TCP11L2: variants seen among roughly 807,000 people sequenced by gnomAD.
TCP11L2 encodes T-complex protein 11-like protein 2.
A neutral mutation model predicts 50.7 loss-of-function variants in TCP11L2; 39 were observed. That is an observed-to-expected ratio of 0.77 (90% CI 0.60 to 1.01). The LOEUF (loss-of-function observed/expected upper bound fraction) is 1.01. Ranked by LOEUF, TCP11L2 falls within the 50% of genes least tolerant of loss-of-function variation. The pLI is 0.00. For synonymous variants in TCP11L2, 192 were observed against 219.3 expected, an observed-to-expected ratio of 0.88 and a Z score of 1.10; for missense variants, 612 against 614.7, an observed-to-expected ratio of 1.00 and a Z score of 0.05.
At chr12:106,311,669 CA>C (rs549765390) in intron 2 of TCP11L2, among the ~76,000 whole-genome samples, 3 of 151,898 alleles carry the variant, frequency 2.0e-5, no homozygotes, top group African/African-American at 4.8e-5. Flanking sequence ...ATGTTGATTT[CA>C]AAAAAATATT....
In TCP11L2 at chr12:106,314,406, C is replaced by T; in HGVS notation, c.206C>T (p.Ala69Val). ...VVTFDEVMATARNLSNLTLAH... is the reference protein window; with the variant it reads ...VVTFDEVMATVRNLSNLTLAH... ...ACATTTGATGAAGTGATGGCTACAG[C>T]AAGGAACTTATCAAACTTGACTCTT... Residue 69 changes from alanine to valine, a missense_variant, in exon 3 of 10, where the codon GCA becomes GTA. Coordinates refer to ENST00000299045, the MANE Select transcript of TCP11L2 (RefSeq NM_152772.3). The T allele has an allele frequency of 6.2e-7, 1 of 1,613,548 alleles. No homozygotes were observed. Among genetic ancestry groups the T allele is most frequent in the Non-Finnish European group, 8.5e-7 (1 of 1,179,578 alleles).
At chr12:106,327,474 C>T (rs1324913476) in intron 6 of TCP11L2, among the ~76,000 whole-genome samples, 1 of 152,194 alleles carries the variant, frequency 6.6e-6, no homozygotes. Flanking sequence ...GCCACTGCAC[C>T]TGGCTTGCTT....
At chr12:106,341,103 T>C in intron 9 of TCP11L2, 105 bp downstream of exon 9, 1 of 881,300 alleles carries the variant, frequency 1.1e-6, no homozygotes, top group East Asian at 2.5e-5. Context: ...CATTACCCAC[T>C]TTTGGAGGAT....
intron 2 of TCP11L2, chr12:106,312,271 T>A (rs1160762006): frequency 7.2e-6 from 3 of 417,098 alleles, no homozygotes; most frequent in Admixed American, 3.4e-5. Context: ...TTTTTTTTTT[T>A]TTTTTTTGCT....
chr12:106,308,628 CTG>C (rs762425862), intron 1 of TCP11L2, among the ~76,000 whole-genome samples: 10 of 152,070 alleles, frequency 6.6e-5, no homozygotes, highest in Non-Finnish European at 1.3e-4. Flanking sequence ...AGGGGAATAA[CTG>C]GGGGAAAAAT....
At chr12:106,317,033 T>C (rs1157986284) in intron 3 of TCP11L2, among the ~76,000 whole-genome samples, 1 of 152,134 alleles carries the variant, frequency 6.6e-6, no homozygotes, top group African/African-American at 2.4e-5. Context: ...ACCTCACACT[T>C]CCCAAGAATA....
At chr12:106,329,735 A>T (rs2035681968) in intron 6 of TCP11L2, 1 of 1,044,700 alleles carries the variant, frequency 9.6e-7, no homozygotes, top group Non-Finnish European at 1.2e-6. Flanking sequence ...TTAAACTTGC[A>T]GTATAAATGC....
chr12:106,322,256 T>G (rs1208124356), intron 5 of TCP11L2, among the ~76,000 whole-genome samples: 1 of 152,138 alleles, frequency 6.6e-6, no homozygotes, highest in Non-Finnish European at 1.5e-5. Flanking sequence ...GGCTCTACCC[T>G]TGCTCAGGTC....
chr12:106,329,200 C>T (rs1170510945), intron 6 of TCP11L2: 19 of 1,119,038 alleles, frequency 1.7e-5, no homozygotes, highest in African/African-American at 3.1e-5. Context: ...AGGAACTTCT[C>T]GAGTGCAGGG....
At chr12:106,300,590 A>G (rs192213171), upstream of TCP11L2, among the ~76,000 whole-genome samples, 1 of 152,172 alleles carries the variant, frequency 6.6e-6, no homozygotes, top group Non-Finnish European at 1.5e-5. Flanking sequence ...TCGGCCTCCC[A>G]AAGTGCTTGG....
At chr12:106,324,812 C>T (rs559930264) in intron 6 of TCP11L2, 64 of 152,274 alleles carry the variant, frequency 4.2e-4, no homozygotes, top group African/African-American at 1.5e-3. Context: ...GGTGAATGGT[C>T]ATACAGTTTG....
Position 106,327,252 on chromosome 12 carries a change from G to A in TCP11L2, c.772+3606G>A, listed in dbSNP as rs545816442. Among the ~76,000 whole-genome samples the A allele has an allele frequency of 5.3e-5, 8 of 151,978 alleles. No individual in the cohort carries two copies. In the South Asian group the frequency reaches 6.2e-4, roughly 12 times the overall value. On this transcript the variant is annotated intron_variant, in intron 6 of 9. Transcript: ENST00000299045. Reference sequence around the variant, plus strand: ...TCTATTGCCCAGGCTGGGGTGCAGTGGCATGATGATAACTTACTCTAGCCT... The same window carrying A: ...TCTATTGCCCAGGCTGGGGTGCAGTAGCATGATGATAACTTACTCTAGCCT...
intron 5 of TCP11L2, among the ~76,000 whole-genome samples, chr12:106,322,510 T>G (rs1242707176): frequency 6.6e-6 from 1 of 152,218 alleles, no homozygotes. Flanking sequence ...CCACATCTTC[T>G]GGAGCTTCTC....
intron 6 of TCP11L2, among the ~76,000 whole-genome samples, chr12:106,327,657 A>G (rs1030568337): frequency 1.3e-5 from 2 of 152,214 alleles, no homozygotes; most frequent in Middle Eastern, 3.2e-3. Flanking sequence ...GCTGTTAATT[A>G]TGTCCCCAAG....
rs191405889 is a variant in TCP11L2, at chr12:106,336,258, C to T, written c.1142+45C>T. 221 of 1,407,868 alleles carry T rather than the reference C, an allele frequency of 1.6e-4. 1 individual carries two copies. In the African/African-American group the frequency reaches 2.9e-3, roughly 18 times the overall value. The allele number at this position is 1,407,868 out of a possible 1,614,324, so 87.2% of individuals were successfully genotyped here. ...ATCTGCTCCCTCTTGTATTAAGGCTCTGCATGTGTCTCAGAGAACAAGAAT... is the reference window on the plus strand; with the variant it reads ...ATCTGCTCCCTCTTGTATTAAGGCTTTGCATGTGTCTCAGAGAACAAGAAT... On this transcript the variant is annotated intron_variant, in intron 8 of 9. Transcript: ENST00000299045.
chr12:106,318,175 A>G (rs1207545930), intron 3 of TCP11L2, among the ~76,000 whole-genome samples, 169 bp from the exon 4 acceptor site: 1 of 148,308 alleles, frequency 6.7e-6, no homozygotes, highest in Admixed American at 6.7e-5. Context: ...GCTCTTAGCT[A>G]TGTTAAAATA....
At chr12:106,303,636 T>A (rs1281330044) in intron 1 of TCP11L2, 1 of 152,228 alleles carries the variant, frequency 6.6e-6, no homozygotes, top group African/African-American at 2.4e-5. Flanking sequence ...CTACTGTAGG[T>A]GGCACCACTG....
At chr12:106,335,013 G>C (rs1382514634) in intron 6 of TCP11L2, among the ~76,000 whole-genome samples, 1 of 151,980 alleles carries the variant, frequency 6.6e-6, no homozygotes, top group Non-Finnish European at 1.5e-5. Flanking sequence ...TGTAACCTGG[G>C]GACTGTCAAT....
chr12:106,346,204 C>G, intron 9 of TCP11L2, 82 bp from the exon 10 acceptor site: 2 of 1,387,118 alleles, frequency 1.4e-6, no homozygotes, highest in Non-Finnish European at 2.0e-6. Context: ...TGCAGTCAAC[C>G]TACTACAATT....
Sources: allele counts gnomAD v4.1 joint callset (sites outside exome capture counted in the v4.1 genomes callset), GRCh38; gene constraint gnomAD v4.1.1; transcripts MANE v1.5; gene names NCBI Gene and HGNC (gene_info 2026-07-23, HGNC 2026-07-21).